PALM2AKAP2: variants seen among roughly 807,000 people sequenced by gnomAD.
PALM2AKAP2 encodes the protein PALM2 and AKAP2 fusion, also known as PALM2-AKAP2 fusion protein.
In PALM2AKAP2, 37 loss-of-function variants were observed where a neutral mutation model predicts 71.5. That is an observed-to-expected ratio of 0.52 (90% CI 0.40 to 0.68). The LOEUF (loss-of-function observed/expected upper bound fraction) is 0.68. PALM2AKAP2 is among the 30% of genes least tolerant of loss of function. The pLI is 0.00. For synonymous variants in PALM2AKAP2, 468 were observed against 478.8 expected (o/e 0.98, Z 0.29); for missense variants, 1,224 against 1,191.8 (o/e 1.03, Z -0.40).
chr9:110,136,969 C>T, exon 2 of PALM2AKAP2: 4 of 1,614,038 alleles, frequency 2.5e-6, no homozygotes, highest in South Asian at 1.1e-5. Context: ...GGTGGAATCC[C>T]CCGCAGGAAA....
At chr9:109,806,901 GA>G (rs1395233733) in intron 1 of PALM2AKAP2, among the ~76,000 whole-genome samples, 1 of 152,204 alleles carries the variant, frequency 6.6e-6, no homozygotes, top group East Asian at 1.9e-4. Flanking sequence ...TGGAGCACAA[GA>G]ATTGCACAAT....
intron 1 of PALM2AKAP2, among the ~76,000 whole-genome samples, chr9:109,755,468 C>A (rs1402116735): frequency 6.6e-6 from 1 of 152,228 alleles, no homozygotes; most frequent in Non-Finnish European, 1.5e-5. Flanking sequence ...ATGGCGCACA[C>A]CTTGTCATTT....
upstream of PALM2AKAP2, among the ~76,000 whole-genome samples, chr9:110,047,257 A>C (rs1833618700): frequency 6.6e-6 from 1 of 152,252 alleles, no homozygotes; most frequent in Admixed American, 6.5e-5. Context: ...GGCTATTGAC[A>C]TTCAGGAACC....
At chr9:110,121,883 C>T (rs1835493888) in intron 1 of PALM2AKAP2, among the ~76,000 whole-genome samples, 1 of 152,086 alleles carries the variant, frequency 6.6e-6, no homozygotes. Flanking sequence ...TTCACCTTTG[C>T]CCAAAGTTCA....
chr9:109,892,749 C>T (rs1830115365), intron 3 of PALM2AKAP2, among the ~76,000 whole-genome samples: 1 of 151,938 alleles, frequency 6.6e-6, no homozygotes, highest in African/African-American at 2.4e-5. Flanking sequence ...AGTTCTTTAG[C>T]TTCTCTCTAC....
chr9:110,063,520 A>G (rs965566819), intron 1 of PALM2AKAP2, among the ~76,000 whole-genome samples: 2 of 151,788 alleles, frequency 1.3e-5, no homozygotes, highest in Non-Finnish European at 2.9e-5. Flanking sequence ...GCTCACTGCA[A>G]ACTCTGCCTC....
intron 3 of PALM2AKAP2, among the ~76,000 whole-genome samples, chr9:109,906,602 T>C (rs1167133513): frequency 6.6e-6 from 1 of 152,228 alleles, no homozygotes; most frequent in Non-Finnish European, 1.5e-5. Context: ...CATTATACTA[T>C]AAAAATCAAT....
intron 3 of PALM2AKAP2, among the ~76,000 whole-genome samples, chr9:109,916,884 A>G (rs1830705105): frequency 6.6e-6 from 1 of 152,204 alleles, no homozygotes; most frequent in South Asian, 2.1e-4. Flanking sequence ...CTATAGCATC[A>G]TATCCCTTGC....
At chr9:109,710,662 C>T (rs1301264319) in intron 1 of PALM2AKAP2, among the ~76,000 whole-genome samples, 3 of 152,156 alleles carry the variant, frequency 2.0e-5, no homozygotes, top group Admixed American at 2.0e-4. Context: ...GAGTACAGTG[C>T]TTGGTTTCCC....
intron 1 of PALM2AKAP2, among the ~76,000 whole-genome samples, chr9:110,133,167 C>T (rs1291813169): frequency 1.3e-5 from 2 of 152,198 alleles, no homozygotes; most frequent in African/African-American, 4.8e-5. Flanking sequence ...AAGTCATCTG[C>T]TCATTCATCA....
At chr9:109,742,030 A>G (rs1828721997) in intron 1 of PALM2AKAP2, among the ~76,000 whole-genome samples, 1 of 152,216 alleles carries the variant, frequency 6.6e-6, no homozygotes, top group African/African-American at 2.4e-5. Flanking sequence ...CACATTGCAC[A>G]CACTTTGAGA....
intron 2 of PALM2AKAP2, 31 bp downstream of exon 8, chr9:110,138,570 T>G (rs750832165): frequency 6.5e-7 from 1 of 1,542,872 alleles, no homozygotes; most frequent in South Asian, 1.3e-5. Context: ...GAGAGACAGA[T>G]GCCACAGCAG....
At chr9:109,686,495 C>T (rs1291520174) in intron 1 of PALM2AKAP2, among the ~76,000 whole-genome samples, 1 of 152,156 alleles carries the variant, frequency 6.6e-6, no homozygotes, top group African/African-American at 2.4e-5. Context: ...TGTCAAGGAA[C>T]AGTAATATTT....
intron 3 of PALM2AKAP2, among the ~76,000 whole-genome samples, chr9:109,896,940 T>C (rs1392955076): frequency 6.6e-6 from 1 of 152,270 alleles, no homozygotes; most frequent in Non-Finnish European, 1.5e-5. Flanking sequence ...GTTCCAGCTA[T>C]CTTTTGCTTC....
intron 6 of PALM2AKAP2, among the ~76,000 whole-genome samples, chr9:110,000,700 C>T (rs1212778999): frequency 6.6e-6 from 1 of 152,282 alleles, no homozygotes; most frequent in South Asian, 2.1e-4. Flanking sequence ...TTAATGATCC[C>T]CATTCTAACT....
intron 1 of PALM2AKAP2, among the ~76,000 whole-genome samples, chr9:109,766,097 C>G (rs1829148711): frequency 6.6e-6 from 1 of 152,218 alleles, no homozygotes; most frequent in Non-Finnish European, 1.5e-5. Context: ...ACATGCATTA[C>G]CTTCCCTACT....
At chr9:109,788,657 C>A (rs1316737931) in intron 1 of PALM2AKAP2, among the ~76,000 whole-genome samples, 1 of 152,192 alleles carries the variant, frequency 6.6e-6, no homozygotes, top group Non-Finnish European at 1.5e-5. Context: ...TCCTGATGTG[C>A]ATCACATGCC....
At chr9:109,791,975 C>T (rs1274905236) in intron 1 of PALM2AKAP2, among the ~76,000 whole-genome samples, 1 of 152,190 alleles carries the variant, frequency 6.6e-6, no homozygotes, top group Admixed American at 6.5e-5. Context: ...TACCCCCAGC[C>T]TGGGCCACCA....
chr9:109,997,005 GTGGTGAGACC>G (rs974937448), intron 6 of PALM2AKAP2, among the ~76,000 whole-genome samples: 2 of 152,062 alleles, frequency 1.3e-5, no homozygotes, highest in African/African-American at 4.8e-5. Flanking sequence ...CCTGGCGAAC[GTGGTGAGACC>G]CCATCTCTAC....
Sources: gnomAD v4.1 joint callset for allele counts (sites outside exome capture counted in the v4.1 genomes callset) on GRCh38, gnomAD v4.1.1 for gene constraint, MANE v1.5 for transcripts, NCBI Gene and HGNC (gene_info 2026-07-23, HGNC 2026-07-21) for gene names.